Variants in TMEM232 observed in about 807,000 individuals in gnomAD.
TMEM232 encodes transmembrane protein 232.
A neutral mutation model predicts 78.8 loss-of-function variants in TMEM232; 80 were observed. The ratio of observed to expected loss-of-function variants is 1.01; its 90% CI spans 0.85 to 1.22. The LOEUF (loss-of-function observed/expected upper bound fraction) is 1.22. Ranked by LOEUF, TMEM232 falls within the 50% of genes most tolerant of loss-of-function variation. The pLI, the probability that TMEM232 is intolerant of heterozygous loss-of-function variation, is 0.00. For missense variants in TMEM232, 881 were observed against 742.2 expected, an observed-to-expected ratio of 1.19 and a Z score of -2.17; for synonymous variants, 297 against 254.3, an observed-to-expected ratio of 1.17 and a Z score of -1.60.
At chr5:110,519,085 C>T (rs1183475393) in intron 12 of TMEM232, among the ~76,000 whole-genome samples, 1 of 151,924 alleles carries the variant, frequency 6.6e-6, no homozygotes, top group Non-Finnish European at 1.5e-5. Context: ...CAATGGACTA[C>T]GTTGTTCAAT....
intron 12 of TMEM232, among the ~76,000 whole-genome samples, chr5:110,482,236 C>T (rs1763947994): frequency 6.6e-6 from 1 of 151,900 alleles, no homozygotes; most frequent in Non-Finnish European, 1.5e-5. Context: ...TAATACCATC[C>T]AGAAAGAAAA....
chr5:110,395,866 T>TCCTG lies in TMEM232; in HGVS notation n.390+1903_390+1906dup, dbSNP rs781086983. Among the ~76,000 whole-genome samples, 12 of 152,282 alleles carry TCCTG rather than the reference T, an allele frequency of 7.9e-5. 1 individual carries two copies. In the East Asian group the frequency reaches 9.7e-4, roughly 12 times the overall value. The stretch of plus-strand genomic sequence containing the variant: ...ACACTTTTCTCTTTCCCTTTCATTG[T>TCCTG]CCTGCTGACTCAAATTTAGGTGAGA... On this transcript the variant is annotated intron_variant and non_coding_transcript_variant, in intron 3 of 8. Transcript: ENST00000507188.
chr5:110,456,178 GGTTA>G (rs1350844889), intron 12 of TMEM232, among the ~76,000 whole-genome samples: 1 of 152,094 alleles, frequency 6.6e-6, no homozygotes, highest in Non-Finnish European at 1.5e-5. Context: ...TACAAAATGA[GGTTA>G]GTTAGGTACA....
chr5:110,513,452 C>A (rs1480893284), intron 12 of TMEM232, among the ~76,000 whole-genome samples: 3 of 151,764 alleles, frequency 2.0e-5, no homozygotes, highest in African/African-American at 7.3e-5. Context: ...TCAAATAAAA[C>A]CAAACAAGAA....
intron 12 of TMEM232, among the ~76,000 whole-genome samples, chr5:110,515,248 T>C (rs1768435488): frequency 6.6e-6 from 1 of 152,214 alleles, no homozygotes; most frequent in Non-Finnish European, 1.5e-5. Flanking sequence ...TTGATCATCT[T>C]GGATTGTCTG....
intron 12 of TMEM232, among the ~76,000 whole-genome samples, chr5:110,518,096 A>AT (rs1768943529): frequency 6.7e-6 from 1 of 148,398 alleles, no homozygotes; most frequent in South Asian, 2.1e-4. Flanking sequence ...TCCATTTGCT[A>AT]TTTTTTCACA....
At chr5:110,672,086 C>A (rs1791425406) in intron 1 of TMEM232, among the ~76,000 whole-genome samples, 1 of 152,110 alleles carries the variant, frequency 6.6e-6, no homozygotes, top group Non-Finnish European at 1.5e-5. Context: ...AACTGGTTTT[C>A]ATGTACATTA....
At chr5:110,656,376 T>G (rs983077245) in intron 2 of TMEM232, among the ~76,000 whole-genome samples, 5 of 152,188 alleles carry the variant, frequency 3.3e-5, no homozygotes, top group Non-Finnish European at 5.9e-5. Flanking sequence ...GCTCTCAAGT[T>G]CCACAACACA....
At chr5:110,604,448 C>T (rs565878255) in intron 10 of TMEM232, among the ~76,000 whole-genome samples, 1 of 152,028 alleles carries the variant, frequency 6.6e-6, no homozygotes, top group Admixed American at 6.6e-5. Context: ...GAGAAATCCT[C>T]TGGGCAGGAA....
intron 2 of TMEM232, among the ~76,000 whole-genome samples, chr5:110,660,667 C>A (rs1789655763): frequency 1.3e-5 from 2 of 151,902 alleles, no homozygotes; most frequent in Non-Finnish European, 1.5e-5. Flanking sequence ...CTTAGATTTA[C>A]CTTTTGCTTT....
intron 10 of TMEM232, among the ~76,000 whole-genome samples, chr5:110,572,698 C>A (rs1777096024): frequency 6.6e-6 from 1 of 151,970 alleles, no homozygotes; most frequent in Admixed American, 6.6e-5. Flanking sequence ...AAATTCCATT[C>A]ATATTTTTAA....
At chr5:110,580,528 T>G (rs949502871) in intron 10 of TMEM232, among the ~76,000 whole-genome samples, 1 of 151,676 alleles carries the variant, frequency 6.6e-6, no homozygotes, top group Non-Finnish European at 1.5e-5. Context: ...GAACATATCC[T>G]TATTCTTAAG....
intron 1 of TMEM232, among the ~76,000 whole-genome samples, chr5:110,724,805 G>A (rs541750234): frequency 3.3e-5 from 5 of 150,984 alleles, no homozygotes; most frequent in African/African-American, 1.2e-4. Flanking sequence ...TCATTCACCA[G>A]ATAGGTATAG....
chr5:110,570,590 A>G (rs766566624), intron 10 of TMEM232, among the ~76,000 whole-genome samples: 4 of 151,996 alleles, frequency 2.6e-5, no homozygotes, highest in Non-Finnish European at 5.9e-5. Context: ...CAATAGGTAA[A>G]TTTGGGAAAA....
chr5:110,588,566 C>T (rs754236660), intron 10 of TMEM232, among the ~76,000 whole-genome samples: 4 of 152,040 alleles, frequency 2.6e-5, no homozygotes, highest in African/African-American at 4.8e-5. Flanking sequence ...GAAACCAATG[C>T]AATTATCTTC....
chr5:110,519,549 G>A (rs1050944132), intron 12 of TMEM232, among the ~76,000 whole-genome samples: 2 of 152,048 alleles, frequency 1.3e-5, no homozygotes, highest in African/African-American at 4.8e-5. Flanking sequence ...CAGCCACTAC[G>A]GAGAACAGTA....
Position 110,550,327 on chromosome 5 carries a change from T to C in TMEM232, c.1455+18120A>G, listed in dbSNP as rs935883481. Among the ~76,000 whole-genome samples the C allele has an allele frequency of 6.6e-5, 10 of 152,264 alleles. No homozygotes were observed. In the South Asian group the frequency reaches 1.2e-3, roughly 19 times the overall value. ...GGGAGGTATTTCTAAAAATATGCAA[T>C]GTGAAAATGTTGAAAGCTGTCCCTT... On this transcript the variant is annotated intron_variant, in intron 11 of 13. Transcript: ENST00000455884.
At chr5:110,437,521 C>G (rs1442964994) in intron 12 of TMEM232, among the ~76,000 whole-genome samples, 2 of 151,926 alleles carry the variant, frequency 1.3e-5, no homozygotes, top group Non-Finnish European at 2.9e-5. Context: ...AAAAGAGTTT[C>G]CAGTTTCAGT....
At chr5:110,392,087 T>C (rs561890582) in intron 3 of TMEM232, among the ~76,000 whole-genome samples, 1 of 152,350 alleles carries the variant, frequency 6.6e-6, no homozygotes, top group African/African-American at 2.4e-5. Flanking sequence ...TCTAATGGTA[T>C]TGCTATTGCA....
Sources: gnomAD v4.1 joint callset for allele counts (sites outside exome capture counted in the v4.1 genomes callset) on GRCh38, gnomAD v4.1.1 for gene constraint, MANE v1.5 for transcripts, NCBI Gene and HGNC (gene_info 2026-07-23, HGNC 2026-07-21) for gene names.